PGGT1B: variants seen among roughly 807,000 people sequenced by gnomAD.
The protein encoded by PGGT1B is geranylgeranyl transferase type-1 subunit beta.
PGGT1B carries 30 observed loss-of-function variants against 46.1 expected under a neutral mutation model. The observed-to-expected ratio is 0.65, with a 90% confidence interval of 0.49 to 0.88. The LOEUF (loss-of-function observed/expected upper bound fraction) is 0.88. PGGT1B is among the 40% of genes least tolerant of loss of function. PGGT1B has a pLI of 0.00. For synonymous variants in PGGT1B, 170 were observed against 160.0 expected (o/e 1.06, Z -0.47); for missense variants, 376 against 455.9 (o/e 0.82, Z 1.60).
Position 115,253,197 on chromosome 5 carries a change from C to T in PGGT1B, c.199G>A (p.Val67Met). The change falls in exon 2 of 9, where the codon GTG (valine) becomes ATG (methionine). Residue 67 changes from valine (V) to methionine (M), a missense_variant. By Grantham distance (21) the Val-to-Met change is conservative. Transcript: ENST00000419445. ...GLDMLDSLDV[V>M]NKDDIIEWIY... ...CACTCTATTATATCATCTTTGTTCA[C>T]CACATCTAAGGAATCCAACATATCC... The T allele has an allele frequency of 6.2e-7, 1 of 1,603,166 alleles. No homozygotes were observed. The highest frequency in any genetic ancestry group is 8.5e-7 in the Non-Finnish European group (1 of 1,175,040).
chr5:115,230,916 C>A, intron 6 of PGGT1B, 60 bp downstream of exon 6: 5 of 1,008,664 alleles, frequency 5.0e-6, no homozygotes, highest in Non-Finnish European at 3.1e-6. Flanking sequence ...ACTGAAGACA[C>A]CAAGATGTTG....
intron 2 of PGGT1B, among the ~76,000 whole-genome samples, chr5:115,251,857 T>C (rs1220989453): frequency 6.6e-6 from 1 of 152,056 alleles, no homozygotes; most frequent in East Asian, 1.9e-4. Flanking sequence ...GCACAATCTG[T>C]AATAATTCTA....
intron 6 of PGGT1B, among the ~76,000 whole-genome samples, chr5:115,223,192 A>C (rs1756641649): frequency 6.6e-6 from 1 of 152,076 alleles, no homozygotes; most frequent in South Asian, 2.1e-4. Flanking sequence ...CCAAATATGA[A>C]AGCAGATGCA....
intron 1 of PGGT1B, among the ~76,000 whole-genome samples, chr5:115,254,675 C>G (rs893627944): frequency 1.3e-5 from 2 of 150,532 alleles, no homozygotes; most frequent in African/African-American, 4.9e-5. Context: ...CATTAGATAA[C>G]AGGAGGAGAT....
In PGGT1B at chr5:115,204,458, T is replaced by C. The variant is rs1037444822; in HGVS notation, c.*7944A>G. 6.6e-6 allele frequency: 1 copy of C among 152,198 alleles called. No individual in the cohort carries two copies. Among genetic ancestry groups the C allele is most frequent in the Admixed American group, 6.5e-5 (1 of 15,276 alleles). The allele number at this position is 152,198 out of a possible 1,614,324, so 9.4% of individuals were successfully genotyped here. ...TGATTTCACTCTCAAAGGCATACAGTTGGCATTAATTCATACAGCACATAT... is the reference window on the plus strand; with the variant it reads ...TGATTTCACTCTCAAAGGCATACAGCTGGCATTAATTCATACAGCACATAT... On this transcript the variant is annotated 3_prime_UTR_variant, in exon 9 of 9. Transcript: ENST00000419445.
rs904220573 is a variant in PGGT1B, at chr5:115,207,895, T to C, written c.*4507A>G. On this transcript the variant is annotated 3_prime_UTR_variant, in exon 9 of 9. Transcript: ENST00000419445. ...GAAATTTAAGATGCTGGCTTTTAGG[T>C]AGAGGTACAATGTTAATAGATTATT... The C allele has an allele frequency of 3.3e-5, 5 of 152,088 alleles. No homozygotes were observed. In the East Asian group the frequency reaches 5.8e-4, roughly 18 times the overall value. 9.4% of individuals were successfully genotyped at this position (152,088 alleles called of 1,614,324 possible).
rs1249860443 is a variant in PGGT1B, at chr5:115,208,458, CTAGAG to C, written c.*3939_*3943del. Reference sequence around the variant, plus strand: ...ATTGGTTTGTTGTGACTTTATCTACCTAGAGTAAATTTTGGCAATTTGCATTTTTC... The same window carrying C: ...ATTGGTTTGTTGTGACTTTATCTACCTAAATTTTGGCAATTTGCATTTTTC... On this transcript the variant is annotated 3_prime_UTR_variant, in exon 9 of 9. Transcript: ENST00000419445. 1 of 151,800 alleles carries C rather than the reference CTAGAG, an allele frequency of 6.6e-6. No homozygotes were observed. Among genetic ancestry groups the C allele is most frequent in the Admixed American group, 6.6e-5 (1 of 15,196 alleles). The allele number at this position is 151,800 out of a possible 1,614,324, so 9.4% of individuals were successfully genotyped here. A position where few individuals can be genotyped will look rare whatever the true frequency, so the allele number is the denominator to read the frequency against.
At chr5:115,228,905 A>C (rs1242373322) in intron 6 of PGGT1B, among the ~76,000 whole-genome samples, 1 of 152,228 alleles carries the variant, frequency 6.6e-6, no homozygotes, top group Non-Finnish European at 1.5e-5. Flanking sequence ...AAACTTCCTA[A>C]GTTGCTAAAG....
At chr5:115,231,625 A>G (rs149772405) in intron 5 of PGGT1B, 1 of 152,212 alleles carries the variant, frequency 6.6e-6, no homozygotes, top group East Asian at 1.9e-4. Context: ...TTGCAACTCT[A>G]CACACCTTTG....
intron 2 of PGGT1B, among the ~76,000 whole-genome samples, chr5:115,251,371 GAGA>G (rs746040226): frequency 6.6e-6 from 1 of 152,072 alleles, no homozygotes; most frequent in Non-Finnish European, 1.5e-5. Context: ...ATTAAATAAT[GAGA>G]AGAAGTATGT....
Position 115,226,322 on chromosome 5 carries a change from G to A in PGGT1B, c.659-4314C>T, listed in dbSNP as rs550852642. Among the ~76,000 whole-genome samples, 3 of 152,154 alleles carry A rather than the reference G, an allele frequency of 2.0e-5. No homozygotes were observed. In the East Asian group the frequency reaches 5.8e-4, roughly 29 times the overall value. On this transcript the variant is annotated intron_variant, in intron 6 of 8. Coordinates refer to ENST00000419445, the MANE Select transcript of PGGT1B (RefSeq NM_005023.4). ...ATTTCTAGATTAGGGAAGCTTAATT[G>A]GTAAGTATAATGCAAATATTCCATA...
Position 115,231,014 on chromosome 5 carries a change from T to C in PGGT1B, c.620A>G (p.Asp207Gly). 1 of 1,540,234 alleles carries C rather than the reference T, an allele frequency of 6.5e-7. No homozygotes were observed. The stretch of plus-strand genomic sequence containing the variant: ...TCCAGCTCCCTGTGCCAGTCCATTG[T>C]CATAGGACTGAAAAAGAAAAACATT... Reference protein sequence around the residue: ...ITYIRRSMSYDNGLAQGAGLE... With the variant: ...ITYIRRSMSYGNGLAQGAGLE... The change falls in exon 6 of 9, where the codon GAC becomes GGC. Residue 207 changes from aspartate (D) to glycine (G), a missense_variant. Physicochemically the swap from Asp to Gly is moderately conservative, Grantham distance 94. Coordinates refer to ENST00000419445, the MANE Select transcript of PGGT1B (RefSeq NM_005023.4).
intron 4 of PGGT1B, among the ~76,000 whole-genome samples, chr5:115,236,911 C>G (rs1376496887): frequency 6.6e-6 from 1 of 152,094 alleles, no homozygotes; most frequent in African/African-American, 2.4e-5. Flanking sequence ...AATTTCCAAG[C>G]CCAAGTTTTT....
intron 1 of PGGT1B, among the ~76,000 whole-genome samples, chr5:115,261,730 G>A (rs1031601438): frequency 7.2e-5 from 11 of 152,156 alleles, no homozygotes; most frequent in African/African-American, 2.7e-4. Context: ...CATTGGAAGT[G>A]GTCCCTTTAG....
At chr5:115,259,885 A>C (rs1748482238) in intron 1 of PGGT1B, among the ~76,000 whole-genome samples, 1 of 152,126 alleles carries the variant, frequency 6.6e-6, no homozygotes, top group African/African-American at 2.4e-5. Flanking sequence ...AGAAGAGGTG[A>C]CTGTAAAAAT....
chr5:115,217,783 C>T (rs1446616697), intron 7 of PGGT1B, among the ~76,000 whole-genome samples: 2 of 151,862 alleles, frequency 1.3e-5, no homozygotes, highest in African/African-American at 4.8e-5. Flanking sequence ...TATTCATTTA[C>T]ATTGATTTAA....
chr5:115,227,326 T>C (rs561930306), intron 6 of PGGT1B, among the ~76,000 whole-genome samples: 11 of 152,264 alleles, frequency 7.2e-5, no homozygotes, highest in African/African-American at 2.6e-4. Context: ...CCCTGTATGG[T>C]CAAAAGTTAG....
intron 6 of PGGT1B, among the ~76,000 whole-genome samples, chr5:115,223,077 C>T (rs553740789): frequency 6.6e-6 from 1 of 151,838 alleles, no homozygotes; most frequent in South Asian, 2.1e-4. Flanking sequence ...TGTAACAAAC[C>T]TGCACGTTGT....
chr5:115,249,584 G>A (rs921439570), intron 2 of PGGT1B, among the ~76,000 whole-genome samples: 9 of 150,846 alleles, frequency 6.0e-5, no homozygotes, highest in Admixed American at 2.0e-4. Flanking sequence ...GCAGGTAATC[G>A]GAATGAGTCA....
Sources: allele counts gnomAD v4.1 joint callset (sites outside exome capture counted in the v4.1 genomes callset), GRCh38; gene constraint gnomAD v4.1.1; transcripts MANE v1.5; gene names NCBI Gene and HGNC (gene_info 2026-07-23, HGNC 2026-07-21).